POLRMT: variants seen among roughly 807,000 people sequenced by gnomAD.
POLRMT encodes the protein RNA polymerase mitochondrial, also known as DNA-directed RNA polymerase, mitochondrial.
Under a neutral mutation model 132.2 loss-of-function variants are expected in POLRMT, and 114 were observed. The observed-to-expected ratio is 0.86, with a 90% CI of 0.74 to 1.01. The LOEUF (loss-of-function observed/expected upper bound fraction) is 1.01. POLRMT is among the 50% of genes least tolerant of loss of function. POLRMT has a pLI of 0.00. For synonymous variants in POLRMT, 1,020 were observed against 773.4 expected, an observed-to-expected ratio of 1.32 and a Z score of -5.29; for missense variants, 2,003 against 1,729.1, an observed-to-expected ratio of 1.16 and a Z score of -2.81.
chr19:619,486 A>C, intron 13 of POLRMT, 100 bp downstream of exon 13: 1 of 1,497,538 alleles, frequency 6.7e-7, no homozygotes, highest in Non-Finnish European at 9.1e-7. Flanking sequence ...CTGGGGGAGC[A>C]GCCAGGGCTC....
At position 630,156 on chromosome 19, in the gene POLRMT, C is replaced by A; in HGVS notation, c.206G>T (p.Arg69Leu). ...HVELLEVLQA[R>L]VRQLQAESVS... is the part of the protein sequence containing the mutation. Reference sequence around the variant, plus strand: ...GCTCTCAGCCTGCAGCTGCCGCACCCGCGCCTGGAGCACTGTGAGGGGCAG... The same window carrying A: ...GCTCTCAGCCTGCAGCTGCCGCACCAGCGCCTGGAGCACTGTGAGGGGCAG... Residue 69 changes from arginine (R) to leucine (L), a missense_variant, in exon 3 of 21, where the codon CGG becomes CTG. By Grantham distance (102) the Arg-to-Leu change is moderately radical. Coordinates refer to ENST00000588649, the MANE Select transcript of POLRMT (RefSeq NM_005035.4). The A allele has an allele frequency of 6.3e-7, 1 of 1,595,888 alleles. No individual in the cohort carries two copies. The highest frequency in any genetic ancestry group is 8.6e-7 in the Non-Finnish European group (1 of 1,169,572).
At position 623,616 on chromosome 19, in the gene POLRMT, G is replaced by A. The variant is rs763212880; in HGVS notation, c.1141-13C>T. ...ACACACGCCCATCCTGCAGGGATGG[G>A]GGTAGTGAGGTTGGGGGCTTGCCAG... On this transcript the variant is annotated splice_polypyrimidine_tract_variant and intron_variant, in intron 5 of 20. Coordinates refer to ENST00000588649, the MANE Select transcript of POLRMT (RefSeq NM_005035.4). 7 of 1,612,678 alleles carry A rather than the reference G, an allele frequency of 4.3e-6. No homozygotes were observed. In the South Asian group the frequency reaches 5.5e-5, roughly 13 times the overall value.
In POLRMT at chr19:632,829, C is replaced by G; in HGVS notation, c.193+5G>C. The G allele has an allele frequency of 6.5e-7, 1 of 1,533,182 alleles. No homozygotes were observed. The highest frequency in any genetic ancestry group is 1.4e-5 in the African/African-American group (1 of 71,432). 95.0% of individuals were successfully genotyped at this position (1,533,182 alleles called of 1,614,324 possible). On this transcript the variant is annotated splice_donor_5th_base_variant and intron_variant, in intron 2 of 20. Transcript: ENST00000588649. ...CTCCCGGGCCGCCGTGGGGGTCGCGCTCACCCTCCAGCAGCTCCACGTGGC... is the reference window on the plus strand; with the variant it reads ...CTCCCGGGCCGCCGTGGGGGTCGCGGTCACCCTCCAGCAGCTCCACGTGGC...
intron 10 of POLRMT, 80 bp downstream of exon 10, chr19:620,976 GGC>G: frequency 2.5e-6 from 2 of 795,740 alleles, no homozygotes; most frequent in Non-Finnish European, 3.3e-6. Flanking sequence ...GGGGCGCGGG[GGC>G]GCCGGGGGAG....
Position 630,093 on chromosome 19 carries a change from C to T in POLRMT, c.269G>A (p.Arg90Gln), listed in dbSNP as rs56151778. ...EVVVNRVDVARLPECGSGDGS... is the reference protein window; with the variant it reads ...EVVVNRVDVAQLPECGSGDGS... Reference sequence around the variant, plus strand: ...ATCTCCACTGCCACATTCTGGGAGCCGCGCCACATCCACCCTGTTCACCAC... The same window carrying T: ...ATCTCCACTGCCACATTCTGGGAGCTGCGCCACATCCACCCTGTTCACCAC... Residue 90 changes from arginine (R) to glutamine (Q), a missense_variant, in exon 3 of 21, where the codon CGG becomes CAG. Arg to Gln is a conservative substitution (Grantham distance 43). Coordinates refer to ENST00000588649, the MANE Select transcript of POLRMT (RefSeq NM_005035.4). The T allele has an allele frequency of 3.9e-5, 63 of 1,613,688 alleles. No individual in the cohort carries two copies. The East Asian group carries it at 5.1e-4, about 13-fold the overall frequency.
chr19:618,934 A>T, intron 15 of POLRMT, 63 bp downstream of exon 15: 1 of 1,412,646 alleles, frequency 7.1e-7, no homozygotes, highest in Non-Finnish European at 9.7e-7. Flanking sequence ...GGGCACTGGT[A>T]CACTGGGACG....
Position 619,008 on chromosome 19 carries a change from A to G in POLRMT, c.3256T>C (p.Ser1086Pro). Residue 1086 changes from serine (S) to proline (P), a missense_variant, in exon 15 of 21, where the codon TCC (serine) becomes CCC (proline). Coordinates refer to ENST00000588649, the MANE Select transcript of POLRMT (RefSeq NM_005035.4). ...GGTGGTACACTGACCTTGACCTTGG[A>G]GTCCAGGCGATAGGGCTGGATGACG... The part of the protein sequence containing the change: ...VPVIQPYRLD[S>P]KVKQIGGGIQ... The G allele has an allele frequency of 2.5e-6, 4 of 1,584,282 alleles. No homozygotes were observed. The highest frequency in any genetic ancestry group is 2.3e-5 in the East Asian group (1 of 44,444).
Position 623,176 on chromosome 19 carries a change from G to A in POLRMT, c.1291-191C>T, listed in dbSNP as rs1024158508. Among the ~76,000 whole-genome samples, 4 of 152,222 alleles carry A rather than the reference G, an allele frequency of 2.6e-5. No individual in the cohort carries two copies. The South Asian group carries it at 8.3e-4, about 32-fold the overall frequency. ...GTGCCTGACGCAGCCAAGAGCAAAA[G>A]CCCAGCTGCAGTGTGCGCAGAAGCA... On this transcript the variant is annotated intron_variant, in intron 6 of 20. Coordinates refer to ENST00000588649, the MANE Select transcript of POLRMT (RefSeq NM_005035.4).
intron 5 of POLRMT, 51 bp from the exon 6 acceptor site, chr19:623,654 C>T: frequency 6.3e-7 from 1 of 1,592,884 alleles, no homozygotes; most frequent in South Asian, 1.1e-5. Context: ...GGCGACCTGC[C>T]CTCCCAGGAC....
At chr19:628,752 C>G (rs1254764612) in intron 3 of POLRMT, among the ~76,000 whole-genome samples, 2 of 152,160 alleles carry the variant, frequency 1.3e-5, no homozygotes, top group East Asian at 3.9e-4. Context: ...CGCCTGTAAT[C>G]TCAGCTCCTC....
chr19:620,154 G>C (rs557651624), intron 11 of POLRMT, 74 bp from the exon 12 acceptor site: 1 of 1,517,922 alleles, frequency 6.6e-7, no homozygotes, highest in Non-Finnish European at 8.8e-7. Context: ...CCACCCCCCA[G>C]GTCGAGCCGT....
chr19:618,415 G>A (rs990344185), intron 17 of POLRMT, 73 bp downstream of exon 17: 24 of 1,222,380 alleles, frequency 2.0e-5, no homozygotes, highest in South Asian at 2.8e-5. Context: ...ACCCAGCCTT[G>A]CCAGCTGTGC....
In POLRMT at chr19:617,442, G is replaced by GT; in HGVS notation, c.3619dup (p.Thr1207AsnfsTer?). ...ACCTGGCTTGGGCACCGCCTGCAGT[G>GT]TCTCCTTCAGCTGGCTGGCCTCCAA... On this transcript the variant is annotated frameshift_variant, in exon 20 of 21. Transcript: ENST00000588649. LOFTEE classifies it high-confidence loss of function. 6.2e-7 allele frequency: 1 copy of GT among 1,611,972 alleles called. No individual in the cohort carries two copies. Among genetic ancestry groups the GT allele is most frequent in the Non-Finnish European group, 8.5e-7 (1 of 1,179,786 alleles).
At position 624,787 on chromosome 19, in the gene POLRMT, A is replaced by G; in HGVS notation, c.1072T>C (p.Phe358Leu). ...GGCGGCAGCTGCGGCGGGAGGCTGA[A>G]GGTGGGCTTCACCTTGTGCACGGCC... The part of the protein sequence containing the change: ...LKAVHKVKPT[F>L]SLPPQLPPPV... The change falls in exon 5 of 21, where the codon TTC becomes CTC. Residue 358 changes from phenylalanine to leucine, a missense_variant. Physicochemically the swap from Phe to Leu is conservative, Grantham distance 22. Transcript: ENST00000588649. 6.2e-7 allele frequency: 1 copy of G among 1,613,596 alleles called. No individual in the cohort carries two copies. Among genetic ancestry groups the G allele is most frequent in the Non-Finnish European group, 8.5e-7 (1 of 1,180,008 alleles).
At chr19:624,617 G>A (rs893627051) in intron 5 of POLRMT, 102 bp downstream of exon 5, 1 of 1,307,984 alleles carries the variant, frequency 7.6e-7, no homozygotes, top group African/African-American at 1.5e-5. Flanking sequence ...GCCCAGGTGA[G>A]CCCTGGGCAC....
rs1451444720 is a variant in POLRMT at position 622,856 on chromosome 19, G to C, written c.1420C>G (p.Leu474Val). 4 of 1,606,246 alleles carry C rather than the reference G, an allele frequency of 2.5e-6. No individual in the cohort carries two copies. Among genetic ancestry groups the C allele is most frequent in the Non-Finnish European group, 3.4e-6 (4 of 1,176,810 alleles). ...ATCCGCACCACCTCGCGCTCGTCCAGCAGGCACAGGAAGGGGTAAAGTGAG... is the reference window on the plus strand; with the variant it reads ...ATCCGCACCACCTCGCGCTCGTCCACCAGGCACAGGAAGGGGTAAAGTGAG... ...RFSLYPFLCL[L>V]DEREVVRMLL... is the part of the protein sequence containing the mutation. Residue 474 changes from leucine (L) to valine (V), a missense_variant, in exon 7 of 21, where the codon CTG (leucine) becomes GTG (valine). Transcript: ENST00000588649.
chr19:631,616 C>T (rs1555677984), intron 2 of POLRMT, among the ~76,000 whole-genome samples: 1 of 151,478 alleles, frequency 6.6e-6, no homozygotes, highest in Non-Finnish European at 1.5e-5. Context: ...TCCAGCCTAG[C>T]AACAGATTGA....
chr19:620,207 C>G lies in POLRMT; in HGVS notation c.2764-127G>C. 5 of 1,468,392 alleles carry G rather than the reference C, an allele frequency of 3.4e-6. No homozygotes were observed. The East Asian group carries it at 1.2e-4, about 36-fold the overall frequency. 91.0% of individuals were successfully genotyped at this position (1,468,392 alleles called of 1,614,324 possible). ...CCCCAGCCAAGTGCACCGGAGCCCC[C>G]GCACGCTCCCGGGAGAGACCAGGAG... On this transcript the variant is annotated intron_variant, in intron 11 of 20. Coordinates refer to ENST00000588649, the MANE Select transcript of POLRMT (RefSeq NM_005035.4).
At chr19:632,213 G>A (rs1308544149) in intron 2 of POLRMT, among the ~76,000 whole-genome samples, 1 of 152,130 alleles carries the variant, frequency 6.6e-6, no homozygotes, top group Non-Finnish European at 1.5e-5. Context: ...GGGATTACAG[G>A]CGTGAGCCAC....
Sources: gnomAD v4.1 joint callset for allele counts (sites outside exome capture counted in the v4.1 genomes callset) on GRCh38, gnomAD v4.1.1 for gene constraint, MANE v1.5 for transcripts, NCBI Gene and HGNC (gene_info 2026-07-23, HGNC 2026-07-21) for gene names.